The following SOX5 variants were observed in gnomAD, a reference collection of about 807,000 sequenced individuals.
The protein encoded by SOX5 is SRY-box transcription factor 5.
A neutral mutation model predicts 92.0 loss-of-function variants in SOX5; 9 were observed. That is an observed-to-expected ratio of 0.10 (90% confidence interval 0.06 to 0.17). The LOEUF (loss-of-function observed/expected upper bound fraction) is 0.17, where lower values mean the gene tolerates loss of function less well. SOX5 is among the 10% of genes least tolerant of loss of function. The probability of loss-of-function intolerance (pLI) is 1.00; values close to 1 mark genes in which losing one functional copy is unlikely to be tolerated. For missense variants in SOX5, 642 were observed against 944.5 expected (o/e 0.68, Z 4.20); for synonymous variants, 344 against 336.3 (o/e 1.02, Z -0.25).
intron 4 of SOX5, among the ~76,000 whole-genome samples, chr12:23,960,244 C>T (rs908087724): frequency 2.8e-4 from 43 of 152,022 alleles, no homozygotes; most frequent in Middle Eastern, 3.4e-3. Flanking sequence ...ACAGAGAGAA[C>T]GGGGTTGTTA....
At chr12:23,820,481 G>A (rs909221442) in intron 3 of SOX5, among the ~76,000 whole-genome samples, 64 of 152,302 alleles carry the variant, frequency 4.2e-4, no homozygotes, top group African/African-American at 1.5e-3. Context: ...TGGTGTTTCA[G>A]TCATGAAATC....
At chr12:24,396,362 T>C (rs1959957022) in intron 1 of SOX5, among the ~76,000 whole-genome samples, 1 of 152,226 alleles carries the variant, frequency 6.6e-6, no homozygotes, top group Non-Finnish European at 1.5e-5. Flanking sequence ...TCATGTTCAG[T>C]GTGACTGGAG....
chr12:24,102,123 G>A (rs1213150189), intron 4 of SOX5, among the ~76,000 whole-genome samples: 2 of 152,050 alleles, frequency 1.3e-5, no homozygotes, highest in African/African-American at 4.8e-5. Flanking sequence ...GCTAGAATTA[G>A]TCAGGCACAG....
intron 3 of SOX5, among the ~76,000 whole-genome samples, chr12:23,792,622 C>CAAAAAAAAAAAAAAAAAA (rs749845598): frequency 2.3e-4 from 9 of 38,964 alleles, no homozygotes; most frequent in East Asian, 1.2e-3. Flanking sequence ...GGCTCTGTCT[C>CAAAAAAAAAAAAAAAAAA]AAAAAAAAAA....
intron 6 of SOX5, among the ~76,000 whole-genome samples, chr12:23,721,231 A>G (rs2092797589): frequency 1.3e-5 from 2 of 152,096 alleles, no homozygotes; most frequent in African/African-American, 4.8e-5. Flanking sequence ...GATTACAGGC[A>G]TGCGCCACCA....
chr12:23,778,697 C>T (rs1460551231), intron 3 of SOX5, among the ~76,000 whole-genome samples: 4 of 152,140 alleles, frequency 2.6e-5, no homozygotes, highest in African/African-American at 4.8e-5. Context: ...AACTGGATGA[C>T]GTGGTCCTGT....
chr12:23,545,896 T>C (rs1943045694), intron 12 of SOX5, among the ~76,000 whole-genome samples: 1 of 151,306 alleles, frequency 6.6e-6, no homozygotes, highest in Non-Finnish European at 1.5e-5. Flanking sequence ...ACAAAATTGC[T>C]GGGCATGTTG....
At chr12:24,366,963 C>T (rs1257339858) in intron 2 of SOX5, among the ~76,000 whole-genome samples, 1 of 152,028 alleles carries the variant, frequency 6.6e-6, no homozygotes, top group Non-Finnish European at 1.5e-5. Flanking sequence ...GAAAAATAGG[C>T]TTTAAAAACT....
At chr12:24,141,499 G>A (rs1950577677) in intron 4 of SOX5, among the ~76,000 whole-genome samples, 1 of 152,178 alleles carries the variant, frequency 6.6e-6, no homozygotes, top group Admixed American at 6.5e-5. Flanking sequence ...TGGAATGGAA[G>A]AAGATACTAG....
intron 4 of SOX5, among the ~76,000 whole-genome samples, chr12:24,064,732 G>A (rs1351671246): frequency 6.6e-6 from 1 of 152,136 alleles, no homozygotes; most frequent in Non-Finnish European, 1.5e-5. Flanking sequence ...GTCCTGTCAT[G>A]CAGCAGAAGC....
chr12:24,067,634 C>A (rs1251655471), intron 4 of SOX5, among the ~76,000 whole-genome samples: 2 of 152,152 alleles, frequency 1.3e-5, no homozygotes, highest in African/African-American at 4.8e-5. Flanking sequence ...CATGGTCCTC[C>A]TTATTATTCT....
At chr12:23,981,901 G>C (rs1201715966) in intron 4 of SOX5, among the ~76,000 whole-genome samples, 1 of 152,082 alleles carries the variant, frequency 6.6e-6, no homozygotes, top group Non-Finnish European at 1.5e-5. Context: ...TTTACACACT[G>C]ATATGTGAAA....
chr12:23,840,701 T>G (rs1056775590), intron 3 of SOX5, among the ~76,000 whole-genome samples: 1 of 152,174 alleles, frequency 6.6e-6, no homozygotes, highest in African/African-American at 2.4e-5. Context: ...AATTGATCTT[T>G]AGCAAGGAAA....
intron 4 of SOX5, among the ~76,000 whole-genome samples, chr12:24,069,105 G>A (rs1167412266): frequency 2.1e-5 from 3 of 145,036 alleles, no homozygotes; most frequent in Non-Finnish European, 4.7e-5. Flanking sequence ...TCCAGACTTA[G>A]GGCCTTAAAA....
At chr12:24,489,497 T>C in intron 1 of SOX5, among the ~76,000 whole-genome samples, 1 of 152,212 alleles carries the variant, frequency 6.6e-6, no homozygotes, top group South Asian at 2.1e-4. Flanking sequence ...AGAGAGAGCA[T>C]GCCTTCTTCA....
intron 1 of SOX5, among the ~76,000 whole-genome samples, chr12:24,533,278 C>T (rs1408810391): frequency 1.3e-5 from 2 of 152,088 alleles, no homozygotes; most frequent in South Asian, 4.1e-4. Context: ...GAGTTAGACT[C>T]GTTGACATTA....
intron 3 of SOX5, among the ~76,000 whole-genome samples, chr12:24,253,445 T>A (rs74536235): frequency 6.6e-6 from 1 of 152,086 alleles, no homozygotes; most frequent in Non-Finnish European, 1.5e-5. Flanking sequence ...AAAGACACCA[T>A]TGATCCTTAT....
chr12:24,559,252 T>C (rs1954106414), intron 1 of SOX5, among the ~76,000 whole-genome samples: 1 of 152,198 alleles, frequency 6.6e-6, no homozygotes, highest in African/African-American at 2.4e-5. Context: ...CAAATAAGTT[T>C]CCAGGTTACT....
rs555075622 is a variant in SOX5, at chr12:24,028,843, T to C, written c.-1-132819A>G. Among the ~76,000 whole-genome samples, 7 of 152,102 alleles carry C rather than the reference T, an allele frequency of 4.6e-5. No homozygotes were observed. The East Asian group carries it at 1.2e-3, about 25-fold the overall frequency. ...ACCATACACTAATTAGTAGCAAACA[T>C]CTATTTAATATTATTTAGTGGGTTT... is the stretch of plus-strand genomic sequence containing the variant. On this transcript the variant is annotated intron_variant, in intron 4 of 4. Transcript: ENST00000446891.
Sources: gnomAD v4.1 joint callset for allele counts (sites outside exome capture counted in the v4.1 genomes callset) on GRCh38, gnomAD v4.1.1 for gene constraint, MANE v1.5 for transcripts, NCBI Gene and HGNC (gene_info 2026-07-23, HGNC 2026-07-21) for gene names.